The following PEX14 variants were observed in gnomAD, a reference collection of about 807,000 sequenced individuals.
PEX14 encodes the protein peroxisomal membrane protein PEX14.
Under a neutral mutation model 49.5 loss-of-function variants are expected in PEX14, and 15 were observed. The ratio of observed to expected loss-of-function variants is 0.30; its 90% CI spans 0.20 to 0.47. The LOEUF is 0.47. Among genes scored for constraint, PEX14 ranks in the 20% least tolerant of loss-of-function variants. The pLI is 1.00. For synonymous variants in PEX14, 210 were observed against 212.7 expected, an observed-to-expected ratio of 0.99 and a Z score of 0.11; for missense variants, 398 against 494.8, an observed-to-expected ratio of 0.80 and a Z score of 1.86.
At chr1:10,489,368 A>T (rs1386166154) in intron 1 of PEX14, among the ~76,000 whole-genome samples, 3 of 152,188 alleles carry the variant, frequency 2.0e-5, no homozygotes, top group Admixed American at 6.5e-5. Flanking sequence ...AGAGTGCTTA[A>T]AGCTTTTTTC....
In PEX14 at chr1:10,570,848, G is replaced by GTTTGTT. The variant is rs71583883; in HGVS notation, c.170-28387_170-28386insGTTTTT. The stretch of plus-strand genomic sequence containing the variant: ...TTTCTTTAGAGAAAATGTCAACAGG[G>GTTTGTT]TTTTTTTTTTTTTTTTTGAGATGGT... On this transcript the variant is annotated intron_variant, in intron 3 of 8. Coordinates refer to ENST00000356607, the MANE Select transcript of PEX14 (RefSeq NM_004565.3). 4.8e-4 allele frequency among the ~76,000 whole-genome samples: 55 copies of GTTTGTT among 113,914 alleles called. 8 individuals are homozygous for GTTTGTT. Among genetic ancestry groups the GTTTGTT allele is most frequent in the South Asian group, 2.0e-3 (7 of 3,582 alleles). The allele number at this position is 113,914 out of a possible 152,430, so 74.7% of individuals were successfully genotyped here. A position where few individuals can be genotyped will look rare whatever the true frequency, so the allele number is the denominator to read the frequency against.
intron 3 of PEX14, among the ~76,000 whole-genome samples, chr1:10,563,737 C>T (rs1639721441): frequency 6.6e-6 from 1 of 152,010 alleles, no homozygotes; most frequent in Non-Finnish European, 1.5e-5. Flanking sequence ...ACGGTGAAAC[C>T]CCGTCTCTAC....
chr1:10,570,402 G>T (rs1359456236), intron 3 of PEX14, among the ~76,000 whole-genome samples: 1 of 151,532 alleles, frequency 6.6e-6, no homozygotes, highest in East Asian at 2.0e-4. Flanking sequence ...GTGCGATCTT[G>T]GCTCACTGCA....
intron 4 of PEX14, among the ~76,000 whole-genome samples, chr1:10,606,425 C>T (rs1049781821): frequency 1.3e-5 from 2 of 152,228 alleles, no homozygotes; most frequent in African/African-American, 4.8e-5. Context: ...GCTATCCTTG[C>T]CTGCGAGTGA....
intron 7 of PEX14, among the ~76,000 whole-genome samples, chr1:10,625,044 C>T (rs3790634): frequency 0.048 from 7,320 of 152,260 alleles, 242 homozygotes; most frequent in South Asian, 0.15. Flanking sequence ...CTGGTCCTGC[C>T]ACTTGTTAGC....
At position 10,484,830 on chromosome 1, in the gene PEX14, G is replaced by A. The variant is rs966833343; in HGVS notation, c.36+9828G>A. 3.3e-5 allele frequency among the ~76,000 whole-genome samples: 5 copies of A among 151,748 alleles called. No individual in the cohort carries two copies. The East Asian group carries it at 5.8e-4, about 18-fold the overall frequency. ...AGTGTGTTACTGTCAGCCAGCGGCC[G>A]CCCTCAGTTTCTTGCCAAATGAGTC... On this transcript the variant is annotated intron_variant, in intron 1 of 8. Transcript: ENST00000356607.
intron 3 of PEX14, among the ~76,000 whole-genome samples, chr1:10,558,352 T>A (rs1478993395): frequency 2.0e-5 from 3 of 152,118 alleles, no homozygotes; most frequent in South Asian, 2.1e-4. Flanking sequence ...TTTTATCATC[T>A]TCTTCTTGAT....
chr1:10,510,939 T>G (rs1641871682), intron 2 of PEX14, among the ~76,000 whole-genome samples: 1 of 152,208 alleles, frequency 6.6e-6, no homozygotes, highest in Admixed American at 6.5e-5. Context: ...TTTATAGCCT[T>G]TCCATTATTA....
At chr1:10,521,099 C>G (rs1638278993) in intron 2 of PEX14, among the ~76,000 whole-genome samples, 2 of 151,180 alleles carry the variant, frequency 1.3e-5, no homozygotes, top group South Asian at 4.2e-4. Flanking sequence ...TTTTCTTCCT[C>G]TCTTCCTGTT....
intron 2 of PEX14, chr1:10,524,432 G>A: frequency 1.0e-6 from 1 of 962,912 alleles, no homozygotes; most frequent in Non-Finnish European, 1.2e-6. Flanking sequence ...TTTGAAAGGA[G>A]TTACCATTGA....
intron 3 of PEX14, among the ~76,000 whole-genome samples, chr1:10,566,098 G>A (rs892484260): frequency 2.0e-5 from 3 of 152,246 alleles, no homozygotes; most frequent in Non-Finnish European, 4.4e-5. Flanking sequence ...GGACTCTCAA[G>A]TCTTGGTTGC....
intron 3 of PEX14, among the ~76,000 whole-genome samples, chr1:10,563,781 G>A (rs1037498757): frequency 2.6e-5 from 4 of 151,944 alleles, no homozygotes; most frequent in African/African-American, 7.3e-5. Flanking sequence ...GCATGGTGGC[G>A]GGTGCCTGTA....
chr1:10,521,833 A>G (rs1259384422), intron 2 of PEX14, among the ~76,000 whole-genome samples: 2 of 152,216 alleles, frequency 1.3e-5, no homozygotes, highest in Non-Finnish European at 2.9e-5. Context: ...TAGATGTTAA[A>G]TGAATTTCTA....
rs1326464461 is a variant in PEX14, at chr1:10,512,402, CAG to C, written c.84+17085_84+17086del. The stretch of plus-strand genomic sequence containing the variant: ...GTGTTGAAACACCTGGCCAGGGAAA[CAG>C]AGACTTCTGTGGATTCATCCAAAGG... On this transcript the variant is annotated intron_variant, in intron 2 of 8. Transcript: ENST00000356607. This position sits in a 1 kb window ranked among gnomAD's most constrained non-coding sequence, Gnocchi z 4.6. Among the ~76,000 whole-genome samples the C allele has an allele frequency of 1.3e-5, 2 of 152,126 alleles. No homozygotes were observed. Among genetic ancestry groups the C allele is most frequent in the African/African-American group, 4.8e-5 (2 of 41,420 alleles).
intron 4 of PEX14, among the ~76,000 whole-genome samples, chr1:10,603,233 G>T (rs1264519007): frequency 6.6e-6 from 1 of 152,170 alleles, no homozygotes; most frequent in Non-Finnish European, 1.5e-5. Flanking sequence ...CTACTATACG[G>T]TCAGTACTAT....
chr1:10,551,274 C>T (rs1039137489), intron 3 of PEX14, among the ~76,000 whole-genome samples: 5 of 152,170 alleles, frequency 3.3e-5, no homozygotes, highest in Admixed American at 2.6e-4. Flanking sequence ...GCCATACACA[C>T]ATGATATTCA....
intron 4 of PEX14, among the ~76,000 whole-genome samples, chr1:10,601,079 TG>T (rs2124605546): frequency 6.6e-6 from 1 of 152,240 alleles, no homozygotes; most frequent in South Asian, 2.1e-4. Flanking sequence ...CTGGCCAATG[TG>T]GCAAAACCCT....
intron 3 of PEX14, among the ~76,000 whole-genome samples, chr1:10,595,823 A>G (rs944715135): frequency 6.7e-6 from 1 of 149,660 alleles, no homozygotes; most frequent in Non-Finnish European, 1.5e-5. Context: ...AACAAAAAAA[A>G]GGTCTGCATT....
chr1:10,607,258 A>G (rs1641154464), intron 4 of PEX14, among the ~76,000 whole-genome samples: 1 of 152,028 alleles, frequency 6.6e-6, no homozygotes, highest in South Asian at 2.1e-4. Context: ...GTGGTATTCC[A>G]TTGTAGGGAT....
Sources: allele counts gnomAD v4.1 joint callset (sites outside exome capture counted in the v4.1 genomes callset), GRCh38; gene constraint gnomAD v4.1.1; non-coding constraint Gnocchi (gnomAD v3.1); transcripts MANE v1.5; gene names NCBI Gene and HGNC (gene_info 2026-07-23, HGNC 2026-07-21).